JHY: variants seen among roughly 807,000 people sequenced by gnomAD.
The protein encoded by JHY is junctional cadherin complex regulator.
A neutral mutation model predicts 78.0 loss-of-function variants in JHY; 69 were observed. The ratio of observed to expected loss-of-function variants is 0.88; its 90% CI spans 0.73 to 1.08. The LOEUF is 1.08. JHY is among the 50% of genes least tolerant of loss of function. The probability of loss-of-function intolerance (pLI) is 0.00; values close to 1 mark genes in which losing one functional copy is unlikely to be tolerated. For synonymous variants in JHY, 368 were observed against 342.6 expected (o/e 1.07, Z -0.82); for missense variants, 944 against 927.8 (o/e 1.02, Z -0.23).
intron 6 of JHY, among the ~76,000 whole-genome samples, chr11:122,948,705 A>C (rs530088050): frequency 2.0e-5 from 3 of 152,248 alleles, no homozygotes; most frequent in African/African-American, 7.2e-5. Flanking sequence ...GTAAAGGAAA[A>C]CTGATATCCT....
chr11:122,914,656 G>A (rs1284137135), intron 3 of JHY, among the ~76,000 whole-genome samples: 2 of 151,852 alleles, frequency 1.3e-5, no homozygotes, highest in Admixed American at 1.3e-4. Flanking sequence ...TGTTGGTCAG[G>A]CTGGTCTCGA....
chr11:122,934,637 A>G lies in JHY; in HGVS notation c.1196A>G (p.Gln399Arg). The change falls in exon 5 of 9, where the codon CAA (glutamine) becomes CGA (arginine). Residue 399 changes from glutamine (Q) to arginine (R), a missense_variant. Physicochemically the swap from Gln to Arg is conservative, Grantham distance 43 (BLOSUM62 1). Coordinates refer to ENST00000227349, the MANE Select transcript of JHY (RefSeq NM_024806.4). ...CAGAATAACCCTCCCAGGCAGCAAC[A>G]AAACCAAAATAAGCCTCTTGATACT... ...GNQNNPPRQQQNQNKPLDTST... is the reference protein window; with the variant it reads ...GNQNNPPRQQRNQNKPLDTST... 6.2e-7 allele frequency: 1 copy of G among 1,614,170 alleles called. No individual in the cohort carries two copies. The highest frequency in any genetic ancestry group is 8.5e-7 in the Non-Finnish European group (1 of 1,180,034).
At chr11:122,923,021 A>AT (rs1050159125) in intron 3 of JHY, among the ~76,000 whole-genome samples, 7 of 152,164 alleles carry the variant, frequency 4.6e-5, no homozygotes, top group African/African-American at 1.7e-4. Flanking sequence ...ACTTGACAGC[A>AT]TTTCTAGGCA....
intron 3 of JHY, among the ~76,000 whole-genome samples, chr11:122,915,970 A>G (rs1863224989): frequency 6.6e-6 from 1 of 152,092 alleles, no homozygotes; most frequent in Admixed American, 6.6e-5. Context: ...GTAGTTGGTC[A>G]ATTAAATCAA....
At chr11:122,915,494 G>C (rs1300087434) in intron 3 of JHY, among the ~76,000 whole-genome samples, 1 of 152,008 alleles carries the variant, frequency 6.6e-6, no homozygotes, top group Non-Finnish European at 1.5e-5. Context: ...AATGAAAAAG[G>C]GTATTTTTTT....
intron 2 of JHY, among the ~76,000 whole-genome samples, chr11:122,902,120 T>C (rs1430115088): frequency 7.0e-6 from 1 of 143,732 alleles, no homozygotes; most frequent in Non-Finnish European, 1.6e-5. Flanking sequence ...CAGTTAACTT[T>C]TTAAAAAATA....
At chr11:122,903,780 C>A (rs1862913959) in intron 2 of JHY, 145 bp from the exon 3 acceptor site, 20 of 1,175,082 alleles carry the variant, frequency 1.7e-5, no homozygotes, top group Non-Finnish European at 2.2e-5. Flanking sequence ...CTGCACGCTG[C>A]TGGGATTTGT....
intron 5 of JHY, among the ~76,000 whole-genome samples, chr11:122,940,951 A>T (rs1863864787): frequency 6.6e-6 from 1 of 151,690 alleles, no homozygotes. Context: ...TATACTGTAT[A>T]TGTTCTCACT....
Position 122,904,073 on chromosome 11 carries a change from C to T in JHY, c.493C>T (p.Pro165Ser). The change falls in exon 3 of 9, where the codon CCT becomes TCT. Residue 165 changes from proline to serine, a missense_variant. By Grantham distance (74) the Pro-to-Ser change is moderately conservative. Coordinates refer to ENST00000227349, the MANE Select transcript of JHY (RefSeq NM_024806.4). Reference protein sequence around the residue: ...LENLPLAPLYPSQETSMELSG... With the variant: ...LENLPLAPLYSSQETSMELSG... ...AAATCTGCCTTTGGCTCCCCTCTAC[C>T]CTTCCCAGGAGACGTCAATGGAACT... The T allele has an allele frequency of 1.9e-6, 3 of 1,614,168 alleles. No individual in the cohort carries two copies. The East Asian group carries it at 6.7e-5, about 36-fold the overall frequency.
chr11:122,886,188 T>A lies in JHY; in HGVS notation c.339T>A (p.Asn113Lys), dbSNP rs779370481. Reference protein sequence around the residue: ...QNHHTWDQGANNRQQPIEDKY... With the variant: ...QNHHTWDQGAKNRQQPIEDKY... ...ACCATACCTGGGACCAGGGCGCCAA[T>A]AACAGGTAAGGAATTGGCTTGTGTA... Residue 113 changes from asparagine to lysine, a missense_variant, in exon 2 of 9, where the codon AAT (asparagine) becomes AAA (lysine). Transcript: ENST00000227349. 9 of 1,608,612 alleles carry A rather than the reference T, an allele frequency of 5.6e-6. No individual in the cohort carries two copies. The highest frequency in any genetic ancestry group is 6.8e-6 in the Non-Finnish European group (8 of 1,177,104).
chr11:122,932,480 GAAGT>G (rs994189656), intron 4 of JHY, among the ~76,000 whole-genome samples: 28 of 152,274 alleles, frequency 1.8e-4, no homozygotes, highest in Admixed American at 1.5e-3. Context: ...AAATTTCTGA[GAAGT>G]AAGTATTTTC....
Position 122,954,730 on chromosome 11 carries a change from C to T in JHY, c.1930-1766C>T, listed in dbSNP as rs147215783. Among the ~76,000 whole-genome samples the T allele has an allele frequency of 2.8e-3, 431 of 152,176 alleles. 2 individuals are homozygous for T. The highest frequency in any genetic ancestry group is 9.2e-3 in the African/African-American group (381 of 41,514). On this transcript the variant is annotated intron_variant, in intron 6 of 8. Transcript: ENST00000227349. ...GCCAGGAGTTTGAAACCAACTTGGG[C>T]AACATGGTGAAACCCCATCTCTACC...
intron 3 of JHY, among the ~76,000 whole-genome samples, chr11:122,908,993 A>G (rs1213754721): frequency 6.6e-6 from 1 of 152,208 alleles, no homozygotes; most frequent in Non-Finnish European, 1.5e-5. Context: ...ATTACTCTTA[A>G]TTTCCAGAGC....
At position 122,945,188 on chromosome 11, in the gene JHY, T is replaced by C. The variant is rs11218899; in HGVS notation, c.1635-1310T>C. On this transcript the variant is annotated intron_variant, in intron 5 of 8. Coordinates refer to ENST00000227349, the MANE Select transcript of JHY (RefSeq NM_024806.4). ...TTATTTTACACCTTTTATTTCTCAG[T>C]GCTTCTTTCTGAATAATTTCTTCAA... Among the ~76,000 whole-genome samples, 203 of 152,350 alleles carry C rather than the reference T, an allele frequency of 1.3e-3. 2 individuals carry two copies. In the East Asian group the frequency reaches 0.038, roughly 28 times the overall value.
rs1002002449 is a variant in JHY, at chr11:122,962,752, G to A, written c.*3307G>A. On this transcript the variant is annotated 3_prime_UTR_variant, in exon 9 of 9. Transcript: ENST00000227349. ...ATTATCTTAAAATAGTTTAGAGCTT[G>A]GAAAGTTTGTCACATTCAACTGCCA... Among the ~76,000 whole-genome samples, 1 of 152,114 alleles carries A rather than the reference G, an allele frequency of 6.6e-6. No individual in the cohort carries two copies. The highest frequency in any genetic ancestry group is 6.5e-5 in the Admixed American group (1 of 15,276).
intron 3 of JHY, among the ~76,000 whole-genome samples, chr11:122,912,300 A>G (rs1863147736): frequency 6.6e-6 from 1 of 151,760 alleles, no homozygotes; most frequent in East Asian, 1.9e-4. Context: ...AAAAAAAAAA[A>G]AAAGGTTAAA....
In JHY at chr11:122,962,046, A is replaced by C. The variant is rs1864326835; in HGVS notation, c.*2601A>C. On this transcript the variant is annotated 3_prime_UTR_variant, in exon 9 of 9. Coordinates refer to ENST00000227349, the MANE Select transcript of JHY (RefSeq NM_024806.4). Reference sequence around the variant, plus strand: ...TCAAATGTGTGTTTTCACACACACAAAAATAGATAAGACAAAAGCATTCCA... The same window carrying C: ...TCAAATGTGTGTTTTCACACACACACAAATAGATAAGACAAAAGCATTCCA... 6.6e-6 allele frequency among the ~76,000 whole-genome samples: 1 copy of C among 152,230 alleles called. No homozygotes were observed. The highest frequency in any genetic ancestry group is 2.1e-4 in the South Asian group (1 of 4,832).
At chr11:122,910,486 A>G (rs2135318407) in intron 3 of JHY, among the ~76,000 whole-genome samples, 2 of 152,120 alleles carry the variant, frequency 1.3e-5, no homozygotes, top group Admixed American at 1.3e-4. Flanking sequence ...AAAAAAACCA[A>G]AAAACAGTGG....
At chr11:122,954,520 A>G (rs118120007) in intron 6 of JHY, among the ~76,000 whole-genome samples, 71 of 152,380 alleles carry the variant, frequency 4.7e-4, no homozygotes, top group Admixed American at 1.8e-3. Flanking sequence ...TGCAATAATT[A>G]TACCTAATAT....
Sources: allele counts gnomAD v4.1 joint callset (sites outside exome capture counted in the v4.1 genomes callset), GRCh38; gene constraint gnomAD v4.1.1; transcripts MANE v1.5; gene names NCBI Gene and HGNC (gene_info 2026-07-23, HGNC 2026-07-21).